Variants in SOX6 observed in about 807,000 individuals in gnomAD.
SOX6 encodes SRY-box transcription factor 6.
SOX6 carries 11 observed loss-of-function variants against 97.8 expected under a neutral mutation model. The observed-to-expected ratio is 0.11, with a 90% CI of 0.07 to 0.19. SOX6 has a LOEUF of 0.19. Among genes scored for constraint, SOX6 ranks in the 10% least tolerant of loss-of-function variants. The pLI is 1.00. For synonymous variants in SOX6, 360 were observed against 371.4 expected, an observed-to-expected ratio of 0.97 and a Z score of 0.35; for missense variants, 810 against 1,039.5, an observed-to-expected ratio of 0.78 and a Z score of 3.04.
chr11:16,213,178 G>T (rs771710716), intron 4 of SOX6, among the ~76,000 whole-genome samples: 1 of 151,946 alleles, frequency 6.6e-6, no homozygotes, highest in Non-Finnish European at 1.5e-5. Context: ...AGTGCTAAAA[G>T]TGTCTCAATG....
At chr11:16,708,087 A>G (rs2134045869) in intron 3 of SOX6, among the ~76,000 whole-genome samples, 1 of 152,252 alleles carries the variant, frequency 6.6e-6, no homozygotes, top group Non-Finnish European at 1.5e-5. Context: ...TATTAAAACT[A>G]CCATATAGCC....
intron 1 of SOX6, among the ~76,000 whole-genome samples, chr11:16,396,143 G>T (rs1192053943): frequency 6.6e-6 from 1 of 151,510 alleles, no homozygotes; most frequent in African/African-American, 2.4e-5. Flanking sequence ...CTTATCTTTT[G>T]TTTTAGCATA....
chr11:16,147,600 A>G (rs1850345085), intron 6 of SOX6, among the ~76,000 whole-genome samples: 1 of 152,146 alleles, frequency 6.6e-6, no homozygotes, highest in Admixed American at 6.6e-5. Context: ...GCATAGCACT[A>G]TCATTTTTGC....
chr11:16,431,243 A>G (rs1159190653), intron 1 of SOX6, among the ~76,000 whole-genome samples: 2 of 152,036 alleles, frequency 1.3e-5, no homozygotes, highest in Admixed American at 1.3e-4. Context: ...ACCTTTTAAT[A>G]TATTTTACTT....
intron 4 of SOX6, among the ~76,000 whole-genome samples, chr11:16,556,844 A>G (rs1847754246): frequency 6.6e-6 from 1 of 151,768 alleles, no homozygotes; most frequent in African/African-American, 2.4e-5. Context: ...TAACGTAACG[A>G]TTTATAGCCC....
chr11:16,385,727 A>T (rs2134416825), intron 1 of SOX6, among the ~76,000 whole-genome samples: 1 of 152,272 alleles, frequency 6.6e-6, no homozygotes, highest in South Asian at 2.1e-4. Context: ...CATAATAAAT[A>T]TGTTTTTGGT....
chr11:16,178,727 G>T (rs1851264273), intron 6 of SOX6, among the ~76,000 whole-genome samples: 1 of 151,780 alleles, frequency 6.6e-6, no homozygotes, highest in South Asian at 2.1e-4. Flanking sequence ...TCCATTACCT[G>T]ATCAATAACA....
chr11:16,724,818 A>C (rs1848294222), intron 2 of SOX6, among the ~76,000 whole-genome samples: 1 of 152,332 alleles, frequency 6.6e-6, no homozygotes, highest in Middle Eastern at 3.4e-3. Flanking sequence ...TCAACACTGA[A>C]GGTAACTTCA....
intron 12 of SOX6, among the ~76,000 whole-genome samples, chr11:16,017,480 A>C (rs16932450): frequency 0.11 from 16,776 of 152,058 alleles, 1,964 homozygotes; most frequent in East Asian, 0.35. Context: ...AAGCCATGCC[A>C]TTTCATATAA....
chr11:16,009,315 A>G (rs1854644449), intron 13 of SOX6, among the ~76,000 whole-genome samples: 1 of 152,052 alleles, frequency 6.6e-6, no homozygotes, highest in South Asian at 2.1e-4. Context: ...AGTTTTAAAA[A>G]CTGTCAACTA....
chr11:16,318,040 T>C, intron 3 of SOX6: 1 of 415,496 alleles, frequency 2.4e-6, no homozygotes, highest in Non-Finnish European at 4.7e-6. Flanking sequence ...TTTATAAAAA[T>C]GAAGAGAAAT....
intron 3 of SOX6, among the ~76,000 whole-genome samples, chr11:16,647,995 T>G (rs1849039032): frequency 6.6e-6 from 1 of 152,042 alleles, no homozygotes; most frequent in Non-Finnish European, 1.5e-5. Context: ...TAGGTTCAAC[T>G]GGGCACAAAT....
intron 3 of SOX6, among the ~76,000 whole-genome samples, chr11:16,663,481 C>T (rs10832668): frequency 0.27 from 41,077 of 151,920 alleles, 6,254 homozygotes; most frequent in East Asian, 0.52. Flanking sequence ...TGACACCATA[C>T]TCAGCTAATT....
chr11:16,397,462 C>T (rs989331917), intron 1 of SOX6: 1 of 151,882 alleles, frequency 6.6e-6, no homozygotes, highest in Admixed American at 6.6e-5. Context: ...ACTTACCAAG[C>T]TCTGCCATTC....
intron 4 of SOX6, among the ~76,000 whole-genome samples, chr11:16,501,881 A>G (rs1402822035): frequency 2.0e-5 from 3 of 152,204 alleles, no homozygotes; most frequent in Non-Finnish European, 2.9e-5. Flanking sequence ...AAACTAGTTC[A>G]ACCATTGTGG....
intron 7 of SOX6, among the ~76,000 whole-genome samples, chr11:16,107,511 A>C: frequency 6.6e-6 from 1 of 150,678 alleles, no homozygotes; most frequent in East Asian, 1.9e-4. Flanking sequence ...TTGAAATGTT[A>C]TGCTTACCAA....
chr11:16,117,908 CAA>C (rs2134002972), intron 6 of SOX6, among the ~76,000 whole-genome samples: 1 of 152,308 alleles, frequency 6.6e-6, no homozygotes, highest in Non-Finnish European at 1.5e-5. Flanking sequence ...CTCACTCCAT[CAA>C]AGACTGACCA....
intron 1 of SOX6, among the ~76,000 whole-genome samples, chr11:16,373,488 A>G (rs1179724328): frequency 6.6e-6 from 1 of 152,010 alleles, no homozygotes; most frequent in East Asian, 1.9e-4. Flanking sequence ...AACTCCTACA[A>G]TATTAGATAG....
intron 3 of SOX6, chr11:16,315,837 C>A (rs1281016595): frequency 6.6e-6 from 1 of 152,146 alleles, no homozygotes; most frequent in African/African-American, 2.4e-5. Flanking sequence ...TTCAACCATT[C>A]TTCTTCTTAT....
Sources: gnomAD v4.1 joint callset for allele counts (sites outside exome capture counted in the v4.1 genomes callset) on GRCh38, gnomAD v4.1.1 for gene constraint, MANE v1.5 for transcripts, NCBI Gene and HGNC (gene_info 2026-07-23, HGNC 2026-07-21) for gene names.